Variants in PHEX observed in about 807,000 individuals in gnomAD.
PHEX encodes phosphate regulating endopeptidase X-linked, also known as phosphate-regulating neutral endopeptidase PHEX.
PHEX carries 16 observed loss-of-function variants against 68.0 expected under a neutral mutation model. The ratio of observed to expected loss-of-function variants is 0.24; its 90% CI spans 0.16 to 0.36. The LOEUF (loss-of-function observed/expected upper bound fraction) is 0.36, where lower values mean the gene tolerates loss of function less well. Ranked by LOEUF, PHEX falls within the 10% of genes least tolerant of loss-of-function variation. PHEX has a pLI of 1.00. For missense variants in PHEX, 480 were observed against 575.5 expected, an observed-to-expected ratio of 0.83 and a Z score of 1.70; for synonymous variants, 208 against 205.1, an observed-to-expected ratio of 1.01 and a Z score of -0.12.
At position 22,038,431 on chromosome X, in the gene PHEX, G is replaced by T. The variant is rs372346214; in HGVS notation, c.119-38G>T. On this transcript the variant is annotated intron_variant, in intron 1 of 21. Coordinates refer to ENST00000379374, the MANE Select transcript of PHEX (RefSeq NM_000444.6). The stretch of plus-strand genomic sequence containing the variant: ...AGGGTGGTTTACCGGATGGTGGTCT[G>T]CTACAACTCAGCCATTTATTGTGGT... 3.5e-5 allele frequency: 34 copies of T among 961,445 alleles called. No individual in the cohort carries two copies. The African/African-American group carries it at 5.9e-4, about 17-fold the overall frequency. 79.2% of individuals were successfully genotyped at this position (961,445 alleles called of 1,213,427 possible). A position where few individuals can be genotyped will look rare whatever the true frequency, so the allele number is the denominator to read the frequency against.
At chrX:22,088,102 T>C (rs7063605) in intron 5 of PHEX, among the ~76,000 whole-genome samples, 6,686 of 111,589 alleles carry the variant, frequency 0.06, 286 homozygotes, top group African/African-American at 0.15. Context: ...CATCACTTTG[T>C]TCCCTGTTCC....
intron 18 of PHEX, among the ~76,000 whole-genome samples, chrX:22,223,894 C>A (rs1298761845): frequency 2.7e-5 from 3 of 112,990 alleles, no homozygotes; most frequent in Non-Finnish European, 5.6e-5. Context: ...CAGAAGACTG[C>A]TTGGGTTCGA....
chrX:22,225,619 A>G (rs1265325023), intron 18 of PHEX, among the ~76,000 whole-genome samples: 1 of 112,245 alleles, frequency 8.9e-6, no homozygotes, highest in Non-Finnish European at 1.9e-5. Flanking sequence ...TCCCAATAAA[A>G]CTTGATTTAT....
chrX:22,225,421 G>A (rs896451074), intron 18 of PHEX, among the ~76,000 whole-genome samples: 1 of 111,399 alleles, frequency 9.0e-6, no homozygotes, highest in Non-Finnish European at 1.9e-5. Flanking sequence ...AGATTCCAGG[G>A]ATCAGGACGC....
At chrX:22,235,983 A>C (rs946835616) in intron 20 of PHEX, among the ~76,000 whole-genome samples, 1 of 111,421 alleles carries the variant, frequency 9.0e-6, no homozygotes, top group African/African-American at 3.3e-5. Context: ...AGTATGATCC[A>C]ACTCCACTCA....
At chrX:22,238,405 C>T (rs936073862) in intron 20 of PHEX, among the ~76,000 whole-genome samples, 3 of 111,670 alleles carry the variant, frequency 2.7e-5, no homozygotes, top group Non-Finnish European at 3.8e-5. Flanking sequence ...CACTCCAGCC[C>T]AGCTACTGCG....
At position 22,146,677 on chromosome X, in the gene PHEX, C is replaced by T. The variant is rs574912515; in HGVS notation, c.1404+13053C>T. The stretch of plus-strand genomic sequence containing the variant: ...ACTAAAAATACAAAAATTAGCTGGA[C>T]GTGTTGGCACGCACCTGTAATCCCA... On this transcript the variant is annotated intron_variant, in intron 12 of 21. Coordinates refer to ENST00000379374, the MANE Select transcript of PHEX (RefSeq NM_000444.6). Among the ~76,000 whole-genome samples, 38 of 109,934 alleles carry T rather than the reference C, an allele frequency of 3.5e-4. No individual in the cohort carries two copies. The South Asian group carries it at 0.014, about 40-fold the overall frequency.
intron 12 of PHEX, among the ~76,000 whole-genome samples, chrX:22,147,338 C>G (rs1236676604): frequency 9.0e-6 from 1 of 110,704 alleles, no homozygotes; most frequent in Non-Finnish European, 1.9e-5. Context: ...CTCTTTGGCC[C>G]AAGATGAAAC....
At chrX:22,188,041 G>A (rs1318542408) in intron 14 of PHEX, among the ~76,000 whole-genome samples, 1 of 111,621 alleles carries the variant, frequency 9.0e-6, no homozygotes, top group Non-Finnish European at 1.9e-5. Flanking sequence ...CTCAATGAAT[G>A]TTAGCTAAAT....
chrX:22,111,692 GTT>G lies in PHEX; in HGVS notation c.1173+136_1173+137del, dbSNP rs112721981. The G allele has an allele frequency of 2.2e-3, 1,159 of 522,266 alleles. 11 individuals carry two copies. In the African/African-American group the frequency reaches 0.023, roughly 10 times the overall value. 43.0% of individuals were successfully genotyped at this position (522,266 alleles called of 1,213,427 possible). ...GGGAGTTTGTAGCCCAAGCTCTATT[GTT>G]TTTGTGTGTGTGTGTGTGCCTTATT... On this transcript the variant is annotated intron_variant, in intron 10 of 21. Coordinates refer to ENST00000379374, the MANE Select transcript of PHEX (RefSeq NM_000444.6).
At chrX:22,135,762 T>A (rs1932200587) in intron 12 of PHEX, among the ~76,000 whole-genome samples, 1 of 112,072 alleles carries the variant, frequency 8.9e-6, no homozygotes, top group Non-Finnish European at 1.9e-5. Flanking sequence ...CAGTCTTCTA[T>A]TTTATTTCAA....
intron 5 of PHEX, among the ~76,000 whole-genome samples, chrX:22,087,858 CAAGA>C (rs1274186334): frequency 1.8e-5 from 2 of 111,844 alleles, no homozygotes; most frequent in East Asian, 5.5e-4. Context: ...TGCTGATATT[CAAGA>C]AAGAACAAAC....
chrX:22,090,682 C>T (rs1929841558), intron 6 of PHEX, among the ~76,000 whole-genome samples, 185 bp downstream of exon 6: 1 of 112,047 alleles, frequency 8.9e-6, no homozygotes, highest in African/African-American at 3.2e-5. Context: ...GTCTGCTCAT[C>T]AAGGCTGTAC....
chrX:22,036,924 C>T (rs1196200322), intron 1 of PHEX, among the ~76,000 whole-genome samples: 1 of 108,129 alleles, frequency 9.2e-6, no homozygotes, highest in African/African-American at 3.4e-5. Flanking sequence ...GGTGAAACCC[C>T]ATCTCCACTA....
At chrX:22,082,915 A>G (rs988192563) in intron 5 of PHEX, among the ~76,000 whole-genome samples, 3 of 112,305 alleles carry the variant, frequency 2.7e-5, no homozygotes, top group Non-Finnish European at 5.6e-5. Flanking sequence ...TCCTAAGCAA[A>G]AAGAACAAAG....
chrX:22,113,005 TTGTGTGTGTGTGTGTGTG>T (rs560422828), intron 10 of PHEX, among the ~76,000 whole-genome samples: 4,077 of 88,664 alleles, frequency 0.046, 193 homozygotes, highest in African/African-American at 0.15. Context: ...CAAGTAGGTT[TTGTGTGTGTGTGTGTGTG>T]TGTGTGTGTG....
chrX:22,083,915 T>A (rs1259101655), intron 5 of PHEX, among the ~76,000 whole-genome samples: 2 of 112,309 alleles, frequency 1.8e-5, no homozygotes, highest in Non-Finnish European at 3.8e-5. Context: ...TTGTTCTACA[T>A]CTTAAAAGAA....
chrX:22,045,404 TA>T (rs11349563), intron 2 of PHEX, among the ~76,000 whole-genome samples: 2,926 of 112,002 alleles, frequency 0.026, 98 homozygotes, highest in African/African-American at 0.088. Context: ...TCTGGTTTTT[TA>T]AAAAAATCAA....
chrX:22,121,529 T>TA (rs1293791638), intron 11 of PHEX, among the ~76,000 whole-genome samples: 1 of 111,984 alleles, frequency 8.9e-6, no homozygotes, highest in East Asian at 2.8e-4. Context: ...GGAGCCTGAC[T>TA]AAACTTTGGT....
Sources: gnomAD v4.1 joint callset for allele counts (sites outside exome capture counted in the v4.1 genomes callset) on GRCh38, gnomAD v4.1.1 for gene constraint, MANE v1.5 for transcripts, NCBI Gene and HGNC (gene_info 2026-07-23, HGNC 2026-07-21) for gene names.